Variants in SSPN observed in about 807,000 individuals in gnomAD.
SSPN encodes sarcospan, also known as K-ras oncogene-associated protein.
SSPN carries 15 observed loss-of-function variants against 19.1 expected under a neutral mutation model. That is an observed-to-expected ratio of 0.78 (90% CI 0.52 to 1.21). The LOEUF (loss-of-function observed/expected upper bound fraction) is 1.21. Among genes scored for constraint, SSPN ranks in the 50% most tolerant of loss-of-function variants. The probability of loss-of-function intolerance (pLI) is 0.00; values close to 1 mark genes in which losing one functional copy is unlikely to be tolerated. For missense variants in SSPN, 291 were observed against 314.0 expected (o/e 0.93, Z 0.55); for synonymous variants, 147 against 140.3 (o/e 1.05, Z -0.34).
At chr12:26,135,494 A>C (rs1024682161) in intron 1 of SSPN, among the ~76,000 whole-genome samples, 4 of 152,084 alleles carry the variant, frequency 2.6e-5, no homozygotes, top group Non-Finnish European at 5.9e-5. Flanking sequence ...GGAGGCAGGA[A>C]CCAGGTCTGG....
At chr12:26,201,017 A>ATATATATATATATATATATATATAT (rs1944873430) in intron 1 of SSPN, among the ~76,000 whole-genome samples, 3 of 47,428 alleles carry the variant, frequency 6.3e-5, no homozygotes, top group African/African-American at 2.8e-4. Context: ...TTGTGTATAT[A>ATATATATATATATATATATATATAT]TATATATATA....
At chr12:26,224,219 G>A (rs1945153188) in intron 1 of SSPN, 74 bp from the exon 2 acceptor site, 2 of 995,590 alleles carry the variant, frequency 2.0e-6, no homozygotes, top group Non-Finnish European at 3.2e-6. Context: ...ACTGCAGGAA[G>A]ATACTGAGAC....
intron 1 of SSPN, among the ~76,000 whole-genome samples, chr12:26,133,278 C>G (rs887318776): frequency 6.6e-6 from 1 of 152,098 alleles, no homozygotes; most frequent in East Asian, 1.9e-4. Flanking sequence ...ACGAAGAATG[C>G]GGTGATCATT....
At chr12:26,220,246 G>C (rs1234388222) in intron 1 of SSPN, among the ~76,000 whole-genome samples, 1 of 20,460 alleles carries the variant, frequency 4.9e-5, no homozygotes, top group African/African-American at 1.1e-4. Flanking sequence ...AAAGCTGTAG[G>C]CAAAAAAAAA....
intron 1 of SSPN, chr12:26,123,041 C>T (rs1343857824): frequency 6.3e-7 from 1 of 1,577,080 alleles, no homozygotes; most frequent in Non-Finnish European, 8.6e-7. Flanking sequence ...GCTGGACACA[C>T]CGCGGCTCCC....
At chr12:26,136,380 A>G (rs1242146071) in intron 1 of SSPN, among the ~76,000 whole-genome samples, 1 of 152,196 alleles carries the variant, frequency 6.6e-6, no homozygotes, top group Non-Finnish European at 1.5e-5. Context: ...AGAGGACCTG[A>G]GTTTAAATGC....
At chr12:26,204,627 C>T (rs1428767327) in intron 1 of SSPN, among the ~76,000 whole-genome samples, 1 of 152,100 alleles carries the variant, frequency 6.6e-6, no homozygotes, top group East Asian at 1.9e-4. Context: ...GTGGGCACCC[C>T]CCACCCGCCC....
At chr12:26,137,065 C>A (rs1282181235) in intron 1 of SSPN, among the ~76,000 whole-genome samples, 1 of 152,188 alleles carries the variant, frequency 6.6e-6, no homozygotes, top group Non-Finnish European at 1.5e-5. Context: ...ACTTTTATGG[C>A]AGTTACTCTG....
intron 2 of SSPN, among the ~76,000 whole-genome samples, chr12:26,228,260 G>A (rs1176070802): frequency 6.6e-6 from 1 of 151,818 alleles, no homozygotes; most frequent in Non-Finnish European, 1.5e-5. Context: ...TTAGCTGGGT[G>A]TGGTGGCACA....
intron 1 of SSPN, among the ~76,000 whole-genome samples, chr12:26,175,594 T>C (rs1944678665): frequency 6.6e-6 from 1 of 152,174 alleles, no homozygotes; most frequent in Non-Finnish European, 1.5e-5. Flanking sequence ...ATTAGCATAT[T>C]CAGGAATCTA....
At chr12:26,217,744 C>T (rs1367709955) in intron 1 of SSPN, among the ~76,000 whole-genome samples, 3 of 148,876 alleles carry the variant, frequency 2.0e-5, no homozygotes, top group South Asian at 2.2e-4. Context: ...TTTTGAAATG[C>T]GTCCCATCAA....
At chr12:26,230,115 G>A (rs1945214754) in intron 2 of SSPN, among the ~76,000 whole-genome samples, 1 of 150,340 alleles carries the variant, frequency 6.7e-6, no homozygotes, top group African/African-American at 2.5e-5. Flanking sequence ...CTGACGTTGA[G>A]TCACTTGACT....
intron 1 of SSPN, among the ~76,000 whole-genome samples, chr12:26,165,076 G>A (rs1944612540): frequency 6.6e-6 from 1 of 152,146 alleles, no homozygotes; most frequent in Admixed American, 6.5e-5. Context: ...TTTTTTAATG[G>A]TGGGATATAA....
chr12:26,146,715 T>C (rs7316094), intron 1 of SSPN, among the ~76,000 whole-genome samples: 148,278 of 151,934 alleles, frequency 0.98, 72,451 homozygotes, highest in East Asian at 1. Flanking sequence ...TTCAGCTACT[T>C]GGGAGGCTGA....
chr12:26,208,160 G>A (rs1027846599), intron 1 of SSPN, among the ~76,000 whole-genome samples: 3 of 152,150 alleles, frequency 2.0e-5, no homozygotes, highest in Non-Finnish European at 4.4e-5. Context: ...TCTTGTTAAG[G>A]CATATTCCTA....
chr12:26,160,205 G>A (rs1425084002), intron 1 of SSPN, among the ~76,000 whole-genome samples: 1 of 152,188 alleles, frequency 6.6e-6, no homozygotes, highest in Non-Finnish European at 1.5e-5. Context: ...TTCAAAGCGA[G>A]AATCCAATAA....
intron 1 of SSPN, among the ~76,000 whole-genome samples, chr12:26,205,315 T>C (rs1257155806): frequency 6.6e-6 from 1 of 152,172 alleles, no homozygotes; most frequent in Non-Finnish European, 1.5e-5. Flanking sequence ...GATATGTTAT[T>C]ATCAAGCCCT....
chr12:26,225,168 A>G (rs888911458), intron 2 of SSPN, among the ~76,000 whole-genome samples: 13 of 152,104 alleles, frequency 8.5e-5, no homozygotes, highest in African/African-American at 2.9e-4. Context: ...CTACAAGAAA[A>G]CATATAAAAA....
rs147785498 is a variant in SSPN at position 26,168,914 on chromosome 12, T to C, written c.-31+46762T>C. On this transcript the variant is annotated intron_variant, in intron 1 of 2. Coordinates refer to the SSPN transcript ENST00000538142. The stretch of plus-strand genomic sequence containing the variant: ...CCAATGTGCTTTGAATGAAATTGAG[T>C]TAAAGATGATTGTTATGCTGGGAGA... Among the ~76,000 whole-genome samples the C allele has an allele frequency of 1.1e-3, 160 of 152,184 alleles. 1 individual carries two copies. The highest frequency in any genetic ancestry group is 3.8e-3 in the African/African-American group (157 of 41,506).
Sources: allele counts gnomAD v4.1 joint callset (sites outside exome capture counted in the v4.1 genomes callset), GRCh38; gene constraint gnomAD v4.1.1; transcripts MANE v1.5; gene names NCBI Gene and HGNC (gene_info 2026-07-23, HGNC 2026-07-21).